The following MINK1 variants were observed in gnomAD, a reference collection of about 807,000 sequenced individuals.
MINK1 encodes misshapen-like kinase 1.
Under a neutral mutation model 178.4 loss-of-function variants are expected in MINK1, and 46 were observed. That is an observed-to-expected ratio of 0.26 (90% CI 0.20 to 0.33). The LOEUF is 0.33. MINK1 is among the 10% of genes least tolerant of loss of function. MINK1 has a pLI of 1.00. For missense variants in MINK1, 1,366 were observed against 1,814.9 expected (o/e 0.75, Z 4.49); for synonymous variants, 797 against 709.7 (o/e 1.12, Z -1.96).
chr17:4,835,001 A>G (rs751299912), intron 1 of MINK1, among the ~76,000 whole-genome samples: 43 of 152,072 alleles, frequency 2.8e-4, no homozygotes, highest in Non-Finnish European at 3.4e-4. Context: ...GTTTGGTGCA[A>G]TGTTGGGCTA....
chr17:4,877,889 C>A (rs1002777034), intron 1 of MINK1, among the ~76,000 whole-genome samples: 7 of 150,508 alleles, frequency 4.7e-5, no homozygotes, highest in Non-Finnish European at 8.9e-5. Context: ...CAGCTCACTG[C>A]AAGCTCTGCC....
chr17:4,848,916 C>G (rs1439300873), intron 1 of MINK1, among the ~76,000 whole-genome samples: 1 of 152,198 alleles, frequency 6.6e-6, no homozygotes, highest in Non-Finnish European at 1.5e-5. Context: ...GCTCATTAGA[C>G]AGGTGGTAGC....
chr17:4,878,447 G>C lies in MINK1; in HGVS notation c.123+65G>C, dbSNP rs1459475992. 9 of 1,415,826 alleles carry C rather than the reference G, an allele frequency of 6.4e-6. No homozygotes were observed. In the Admixed American group the frequency reaches 1.8e-4, roughly 28 times the overall value. The allele number at this position is 1,415,826 out of a possible 1,614,324, so 87.7% of individuals were successfully genotyped here. A position where few individuals can be genotyped will look rare whatever the true frequency, so the allele number is the denominator to read the frequency against. On this transcript the variant is annotated intron_variant, in intron 2 of 31. Coordinates refer to ENST00000355280, the MANE Select transcript of MINK1 (RefSeq NM_153827.5). Reference sequence around the variant, plus strand: ...AGGGCAGTCTTGGGAGGAGTGGAAGGAAGTAGATTCCTGGTCTGCAGGTCT... The same window carrying C: ...AGGGCAGTCTTGGGAGGAGTGGAAGCAAGTAGATTCCTGGTCTGCAGGTCT...
chr17:4,891,416 A>G (rs762783958), intron 15 of MINK1, 40 bp from the exon 16 acceptor site: 2 of 1,520,618 alleles, frequency 1.3e-6, no homozygotes, highest in South Asian at 1.3e-5. Context: ...GGGATGTGCC[A>G]TGGAGCAGGC....
At chr17:4,873,645 G>A (rs1303774150) in intron 1 of MINK1, among the ~76,000 whole-genome samples, 2 of 134,368 alleles carry the variant, frequency 1.5e-5, no homozygotes, top group Non-Finnish European at 3.1e-5. Context: ...TTGAGAAGGC[G>A]TCTCACTCTT....
chr17:4,870,999 C>A, intron 1 of MINK1: 1 of 270,178 alleles, frequency 3.7e-6, no homozygotes, highest in Non-Finnish European at 8.1e-6. Flanking sequence ...CAGCCCCTGG[C>A]AACCACTAAT....
At chr17:4,838,947 CTTTT>C (rs149544017) in intron 1 of MINK1, among the ~76,000 whole-genome samples, 2 of 145,118 alleles carry the variant, frequency 1.4e-5, no homozygotes, top group South Asian at 4.3e-4. Context: ...AGCCTAGACT[CTTTT>C]TTTTTTTTTT....
rs532502424 is a variant in MINK1 at position 4,892,366 on chromosome 17, C to G, written c.2088-36C>G. 1,518 of 1,477,756 alleles carry G rather than the reference C, an allele frequency of 1.0e-3. 18 individuals carry two copies. In the South Asian group the frequency reaches 0.016, roughly 15 times the overall value. The allele number at this position is 1,477,756 out of a possible 1,614,324, so 91.5% of individuals were successfully genotyped here. On this transcript the variant is annotated intron_variant, in intron 17 of 31. Transcript: ENST00000355280. ...CAGCCCCATCACCTCAGCGCCCCCC[C>G]GCCGCCCCCTCGGCACCCCTGTGCT...
Position 4,833,660 on chromosome 17 carries a change from G to A in MINK1, c.57+20G>A, listed in dbSNP as rs778238760. The A allele has an allele frequency of 1.6e-5, 24 of 1,485,406 alleles. No individual in the cohort carries two copies. The highest frequency in any genetic ancestry group is 2.0e-5 in the Non-Finnish European group (23 of 1,123,256). The allele number at this position is 1,485,406 out of a possible 1,614,324, so 92.0% of individuals were successfully genotyped here. On this transcript the variant is annotated intron_variant, in intron 1 of 31. Coordinates refer to ENST00000355280, the MANE Select transcript of MINK1 (RefSeq NM_153827.5). This position sits in a 1 kb window ranked among gnomAD's most constrained non-coding sequence, Gnocchi z 4.8. ...CTGCGGGTGAGCGCGCCGTCCCCCA[G>A]CCTCGCCCTGGTTCCTGTCCCCGCC...
Position 4,897,218 on chromosome 17 carries a change from A to C in MINK1, c.3930A>C (p.Ser1310=). 16 of 1,613,408 alleles carry C rather than the reference A, an allele frequency of 9.9e-6. No homozygotes were observed. Among genetic ancestry groups the C allele is most frequent in the Non-Finnish European group, 1.4e-5 (16 of 1,179,674 alleles). The stretch of plus-strand genomic sequence containing the variant: ...GCCCCACCCAGGTGTTTTTTGCCTC[A>C]GTCCGCTCTGGGGGCAGCAGCCAAG... ...CERNDKVFFA[S]VRSGGSSQVY... Residue 1310 remains serine, a synonymous_variant, in exon 32 of 32, where the codon TCA becomes TCC. Coordinates refer to ENST00000355280, the MANE Select transcript of MINK1 (RefSeq NM_153827.5).
At chr17:4,848,785 C>G (rs976438481) in intron 1 of MINK1, among the ~76,000 whole-genome samples, 4 of 152,238 alleles carry the variant, frequency 2.6e-5, no homozygotes, top group African/African-American at 9.6e-5. Flanking sequence ...GCCTAAGCCA[C>G]CGCGAACCTG....
chr17:4,847,323 C>G, intron 1 of MINK1: 1 of 437,252 alleles, frequency 2.3e-6, no homozygotes, highest in Non-Finnish European at 4.6e-6. Flanking sequence ...ACTGCATCCT[C>G]TGCCTCCTCG....
intron 1 of MINK1, chr17:4,874,951 G>C (rs1278683561): frequency 2.2e-6 from 1 of 454,928 alleles, no homozygotes; most frequent in Non-Finnish European, 4.4e-6. Context: ...ACTTGATGGT[G>C]ACAGATCATT....
rs370566725 is a variant in MINK1, at chr17:4,895,995, G to A, written c.3365-8G>A. The A allele has an allele frequency of 1.1e-5, 18 of 1,587,236 alleles. No homozygotes were observed. The highest frequency in any genetic ancestry group is 9.4e-5 in the African/African-American group (7 of 74,176). On this transcript the variant is annotated splice_region_variant and splice_polypyrimidine_tract_variant and intron_variant, in intron 27 of 31. Transcript: ENST00000355280. This position sits in a 1 kb window ranked among gnomAD's most constrained non-coding sequence, Gnocchi z 4.3. ...AGTCTCAGCATCCCTCTTCTCTCCC[G>A]CCCCCAGTGAAATACGAGCGGATTA...
intron 4 of MINK1, among the ~76,000 whole-genome samples, chr17:4,882,755 C>T (rs1037316348): frequency 2.0e-5 from 3 of 152,190 alleles, no homozygotes; most frequent in Admixed American, 6.5e-5. Context: ...CGGTCACTCA[C>T]GTTTCAATGT....
chr17:4,872,455 C>A (rs191180479), intron 1 of MINK1, among the ~76,000 whole-genome samples: 2 of 151,590 alleles, frequency 1.3e-5, no homozygotes, highest in African/African-American at 4.9e-5. Context: ...CTGGGCAACA[C>A]GGTGAAACCC....
Position 4,895,949 on chromosome 17 carries a change from C to A in MINK1, c.3365-54C>A. On this transcript the variant is annotated intron_variant, in intron 27 of 31. Transcript: ENST00000355280. This position sits in a 1 kb window ranked among gnomAD's most constrained non-coding sequence, Gnocchi z 4.3. Reference sequence around the variant, plus strand: ...AGTGTAGTGACAGACCACGGGGAGGCGCCCGTGGCGCAAGAAGGGAAGTCT... The same window carrying A: ...AGTGTAGTGACAGACCACGGGGAGGAGCCCGTGGCGCAAGAAGGGAAGTCT... The A allele has an allele frequency of 6.4e-7, 1 of 1,564,442 alleles. No homozygotes were observed. Among genetic ancestry groups the A allele is most frequent in the Non-Finnish European group, 8.7e-7 (1 of 1,153,980 alleles).
intron 1 of MINK1, among the ~76,000 whole-genome samples, chr17:4,876,650 T>G (rs759236967): frequency 2.0e-5 from 3 of 152,028 alleles, no homozygotes; most frequent in African/African-American, 7.2e-5. Context: ...GAGTTTTAGA[T>G]TATATGCTTT....
chr17:4,890,786 C>T, intron 14 of MINK1, 51 bp downstream of exon 14: 24 of 1,528,492 alleles, frequency 1.6e-5, no homozygotes, highest in Non-Finnish European at 2.1e-5. Context: ...CTGCCTGAGG[C>T]CTGGAGAGCC....
Sources: gnomAD v4.1 joint callset for allele counts (sites outside exome capture counted in the v4.1 genomes callset) on GRCh38, gnomAD v4.1.1 for gene constraint, Gnocchi (gnomAD v3.1) non-coding constraint, MANE v1.5 for transcripts, NCBI Gene and HGNC (gene_info 2026-07-23, HGNC 2026-07-21) for gene names.